GNAL: variants seen among roughly 807,000 people sequenced by gnomAD.
The protein encoded by GNAL is guanine nucleotide-binding protein G(olf) subunit alpha.
GNAL carries 18 observed loss-of-function variants against 55.1 expected under a neutral mutation model. That is an observed-to-expected ratio of 0.33 (90% CI 0.23 to 0.48). The LOEUF is 0.48. GNAL is among the 20% of genes least tolerant of loss of function. The pLI, the probability that GNAL is intolerant of heterozygous loss-of-function variation, is 0.99. For synonymous variants in GNAL, 253 were observed against 237.0 expected, an observed-to-expected ratio of 1.07 and a Z score of -0.62; for missense variants, 412 against 614.1, an observed-to-expected ratio of 0.67 and a Z score of 3.48.
intron 1 of GNAL, among the ~76,000 whole-genome samples, chr18:11,698,706 G>A (rs1191632339): frequency 6.8e-6 from 1 of 146,820 alleles, no homozygotes; most frequent in Admixed American, 6.6e-5. Flanking sequence ...GGTGATGACG[G>A]ATGAGACTGG....
Position 11,786,435 on chromosome 18 carries a change from T to TC in GNAL, c.624+32491dup, listed in dbSNP as rs397789811. ...TGGTGGGATAGATCTTCATACGTTT[T>TC]CTTTTTTTTTTTTTTTTTTTTTTTT... On this transcript the variant is annotated intron_variant, in intron 4 of 11. Coordinates refer to ENST00000334049, the MANE Select transcript of GNAL (RefSeq NM_182978.4). Among the ~76,000 whole-genome samples, 960 of 131,918 alleles carry TC rather than the reference T, an allele frequency of 7.3e-3. 30 individuals are homozygous for TC. The highest frequency in any genetic ancestry group is 0.026 in the African/African-American group (911 of 34,600). The allele number at this position is 131,918 out of a possible 152,430, so 86.5% of individuals were successfully genotyped here.
At chr18:11,873,756 A>G (rs1358725345) in intron 10 of GNAL, among the ~76,000 whole-genome samples, 1 of 152,198 alleles carries the variant, frequency 6.6e-6, no homozygotes, top group African/African-American at 2.4e-5. Context: ...TGTGGCTGGC[A>G]TTGCCAGTTT....
chr18:11,820,171 G>T (rs1237256521), intron 4 of GNAL, among the ~76,000 whole-genome samples: 2 of 152,176 alleles, frequency 1.3e-5, no homozygotes, highest in African/African-American at 2.4e-5. Context: ...CCTAGTACAG[G>T]GTGGGGGATA....
At chr18:11,857,697 G>C in intron 5 of GNAL, 1 of 985,342 alleles carries the variant, frequency 1.0e-6, no homozygotes, top group Non-Finnish European at 1.2e-6. Context: ...CAGTGACGCC[G>C]ATATGCTGCG....
At chr18:11,764,277 T>C (rs1280335662) in intron 4 of GNAL, among the ~76,000 whole-genome samples, 5 of 152,030 alleles carry the variant, frequency 3.3e-5, no homozygotes, top group Non-Finnish European at 7.4e-5. Flanking sequence ...GCTAATTTTT[T>C]TGTATTTTTA....
At chr18:11,692,686 G>T (rs2031287768) in intron 1 of GNAL, among the ~76,000 whole-genome samples, 1 of 152,102 alleles carries the variant, frequency 6.6e-6, no homozygotes, top group Non-Finnish European at 1.5e-5. Context: ...AGAAGCTGGG[G>T]CTGGTGGATC....
chr18:11,761,463 G>C (rs148639223), intron 4 of GNAL, among the ~76,000 whole-genome samples: 1 of 152,034 alleles, frequency 6.6e-6, no homozygotes, highest in Non-Finnish European at 1.5e-5. Flanking sequence ...CCCAGAGCTC[G>C]GCTCTCCTTC....
intron 5 of GNAL, among the ~76,000 whole-genome samples, chr18:11,861,963 T>TACACACACACACACACACACACAC (rs56087854): frequency 2.0e-5 from 3 of 148,164 alleles, no homozygotes; most frequent in Non-Finnish European, 4.5e-5. Flanking sequence ...CACGCAGTCA[T>TACACACACACACACACACACACAC]ACACACACAC....
At chr18:11,695,565 T>C (rs2031380661) in intron 1 of GNAL, among the ~76,000 whole-genome samples, 2 of 152,224 alleles carry the variant, frequency 1.3e-5, no homozygotes, top group Admixed American at 6.5e-5. Context: ...GTCAATGCCA[T>C]TGATTTTTCT....
chr18:11,783,756 T>C (rs1448113886), intron 4 of GNAL, among the ~76,000 whole-genome samples: 1 of 152,238 alleles, frequency 6.6e-6, no homozygotes, highest in Non-Finnish European at 1.5e-5. Flanking sequence ...AAATTTCCAA[T>C]TTCTATGCTC....
chr18:11,869,888 G>A (rs1054042887), intron 9 of GNAL, among the ~76,000 whole-genome samples: 6 of 152,094 alleles, frequency 3.9e-5, no homozygotes, highest in African/African-American at 4.8e-5. Flanking sequence ...CAGTCTGGGC[G>A]ACAGAGGGAG....
intron 5 of GNAL, among the ~76,000 whole-genome samples, chr18:11,832,894 AAAT>A (rs1287383255): frequency 6.6e-6 from 1 of 152,080 alleles, no homozygotes; most frequent in Non-Finnish European, 1.5e-5. Flanking sequence ...AAATTTTAAA[AAAT>A]GAGATGAAAG....
At chr18:11,788,056 T>C (rs1003862776) in intron 4 of GNAL, among the ~76,000 whole-genome samples, 1 of 152,128 alleles carries the variant, frequency 6.6e-6, no homozygotes, top group African/African-American at 2.4e-5. Flanking sequence ...AAATTTATCC[T>C]TGACCATACC....
intron 5 of GNAL, among the ~76,000 whole-genome samples, chr18:11,859,405 G>C (rs183013269): frequency 6.6e-6 from 1 of 152,202 alleles, no homozygotes; most frequent in Non-Finnish European, 1.5e-5. Flanking sequence ...AACTCAGTGT[G>C]TCCTTCCACC....
At chr18:11,803,844 GTGGTGAAGTA>G in intron 4 of GNAL, among the ~76,000 whole-genome samples, 3 of 151,874 alleles carry the variant, frequency 2.0e-5, no homozygotes, top group African/African-American at 2.4e-5. Context: ...ATACTGTGTA[GTGGTGAAGTA>G]CAGGTGCAGT....
intron 4 of GNAL, among the ~76,000 whole-genome samples, chr18:11,811,699 C>T (rs536010329): frequency 6.6e-6 from 1 of 152,312 alleles, no homozygotes; most frequent in African/African-American, 2.4e-5. Flanking sequence ...GCAAGCCCAC[C>T]TTTACAGATA....
At position 11,884,097 on chromosome 18, in the gene GNAL, C is replaced by G. The variant is rs2036828127; in HGVS notation, c.*2962C>G. ...ATTTATTTATGTATACACATAATCCCAAGTGTGTGCTGGGGCCACCAGGCC... is the reference window on the plus strand; with the variant it reads ...ATTTATTTATGTATACACATAATCCGAAGTGTGTGCTGGGGCCACCAGGCC... On this transcript the variant is annotated 3_prime_UTR_variant, in exon 12 of 12. Coordinates refer to ENST00000334049, the MANE Select transcript of GNAL (RefSeq NM_182978.4). 1 of 226,320 alleles carries G rather than the reference C, an allele frequency of 4.4e-6. No homozygotes were observed. Among genetic ancestry groups the G allele is most frequent in the Non-Finnish European group, 8.9e-6 (1 of 112,382 alleles). 14.0% of individuals were successfully genotyped at this position (226,320 alleles called of 1,614,324 possible). A position where few individuals can be genotyped will look rare whatever the true frequency, so the allele number is the denominator to read the frequency against.
chr18:11,788,773 T>A (rs1419230474), intron 4 of GNAL, among the ~76,000 whole-genome samples: 1 of 150,648 alleles, frequency 6.6e-6, no homozygotes, highest in Non-Finnish European at 1.5e-5. Context: ...GGCACACGCC[T>A]GTAATGCCAG....
chr18:11,834,337 A>G (rs2035453874), intron 5 of GNAL, among the ~76,000 whole-genome samples: 2 of 152,322 alleles, frequency 1.3e-5, no homozygotes, highest in South Asian at 4.1e-4. Flanking sequence ...AATGGTAGCA[A>G]AAATGGGGTC....
Sources: gnomAD v4.1 joint callset for allele counts (sites outside exome capture counted in the v4.1 genomes callset) on GRCh38, gnomAD v4.1.1 for gene constraint, MANE v1.5 for transcripts, NCBI Gene and HGNC (gene_info 2026-07-23, HGNC 2026-07-21) for gene names.